FGF12: variants seen among roughly 807,000 people sequenced by gnomAD.
The protein encoded by FGF12 is fibroblast growth factor 12.
Under a neutral mutation model 23.6 loss-of-function variants are expected in FGF12, and 14 were observed. The ratio of observed to expected loss-of-function variants is 0.59; its 90% CI spans 0.39 to 0.93. The LOEUF is 0.93. FGF12 is among the 40% of genes least tolerant of loss of function. The pLI is 0.00. For missense variants in FGF12, 175 were observed against 217.8 expected (o/e 0.80, Z 1.24); for synonymous variants, 62 against 77.3 (o/e 0.80, Z 1.04).
chr3:192,519,006 T>C (rs1724749827), intron 2 of FGF12, among the ~76,000 whole-genome samples: 1 of 152,166 alleles, frequency 6.6e-6, no homozygotes, highest in Non-Finnish European at 1.5e-5. Context: ...TGTTATAAAA[T>C]AAGACTGAGA....
intron 2 of FGF12, among the ~76,000 whole-genome samples, chr3:192,396,954 A>T (rs915234370): frequency 2.0e-5 from 3 of 152,194 alleles, no homozygotes; most frequent in Non-Finnish European, 4.4e-5. Flanking sequence ...ATCAAAACTT[A>T]CCCTGAAGGG....
chr3:192,448,655 T>C (rs1206061342), intron 2 of FGF12, among the ~76,000 whole-genome samples: 1 of 152,216 alleles, frequency 6.6e-6, no homozygotes, highest in Non-Finnish European at 1.5e-5. Flanking sequence ...GATTCCTGGA[T>C]TATTTCCTTC....
At chr3:192,232,766 A>G (rs1402886976) in intron 4 of FGF12, among the ~76,000 whole-genome samples, 1 of 151,946 alleles carries the variant, frequency 6.6e-6, no homozygotes, top group Non-Finnish European at 1.5e-5. Flanking sequence ...TATGTACTCA[A>G]TGTTTAGCTC....
chr3:192,642,970 T>C (rs1298662999), intron 2 of FGF12, among the ~76,000 whole-genome samples: 1 of 152,236 alleles, frequency 6.6e-6, no homozygotes, highest in Non-Finnish European at 1.5e-5. Context: ...TGACTTACAG[T>C]AAGATCACCT....
intron 2 of FGF12, among the ~76,000 whole-genome samples, chr3:192,449,735 A>G (rs1420918447): frequency 6.6e-6 from 1 of 152,172 alleles, no homozygotes; most frequent in African/African-American, 2.4e-5. Flanking sequence ...TCTGTACCCC[A>G]GAAGGCAGGT....
At chr3:192,306,470 A>T (rs1354689731) in intron 4 of FGF12, among the ~76,000 whole-genome samples, 1 of 152,146 alleles carries the variant, frequency 6.6e-6, no homozygotes, top group African/African-American at 2.4e-5. Flanking sequence ...TTGGTCAAAG[A>T]AGCGGGGCAT....
chr3:192,308,327 T>A (rs1715758200), intron 4 of FGF12, among the ~76,000 whole-genome samples: 6 of 152,130 alleles, frequency 3.9e-5, no homozygotes. Context: ...GGAGGGCAAA[T>A]GACATTGGCA....
At chr3:192,276,486 T>C (rs1713795905) in intron 4 of FGF12, among the ~76,000 whole-genome samples, 2 of 152,198 alleles carry the variant, frequency 1.3e-5, no homozygotes. Flanking sequence ...AACTCACAGA[T>C]AACCAAGGTG....
At chr3:192,601,157 G>A (rs1714099531) in intron 2 of FGF12, among the ~76,000 whole-genome samples, 1 of 152,138 alleles carries the variant, frequency 6.6e-6, no homozygotes, top group African/African-American at 2.4e-5. Context: ...CAACATGGAT[G>A]GAAGTGGAGG....
intron 2 of FGF12, among the ~76,000 whole-genome samples, chr3:192,392,135 G>A (rs1720318130): frequency 6.6e-6 from 1 of 152,078 alleles, no homozygotes; most frequent in Admixed American, 6.5e-5. Flanking sequence ...TTTTTCCTAT[G>A]TTTCTATTTT....
intron 2 of FGF12, among the ~76,000 whole-genome samples, chr3:192,468,437 T>C (rs1723070198): frequency 6.6e-6 from 1 of 152,216 alleles, no homozygotes; most frequent in South Asian, 2.1e-4. Flanking sequence ...ACTTTCTCAA[T>C]CTTGTCTTTC....
intron 2 of FGF12, among the ~76,000 whole-genome samples, chr3:192,583,313 C>A (rs1294038788): frequency 6.6e-6 from 1 of 152,108 alleles, no homozygotes; most frequent in Non-Finnish European, 1.5e-5. Context: ...CGATGCGAAT[C>A]GTTTAATGAT....
intron 2 of FGF12, among the ~76,000 whole-genome samples, chr3:192,711,230 G>C (rs138284839): frequency 6.9e-6 from 1 of 145,360 alleles, no homozygotes; most frequent in East Asian, 1.9e-4. Context: ...AATCCCGTCC[G>C]GGAGGGAGGT....
intron 2 of FGF12, among the ~76,000 whole-genome samples, chr3:192,655,958 A>G (rs2108679870): frequency 6.6e-6 from 1 of 151,826 alleles, no homozygotes. Flanking sequence ...GAGGGGAAGA[A>G]TAACTAGCAC....
chr3:192,485,473 C>T (rs1204467483), intron 2 of FGF12, among the ~76,000 whole-genome samples: 1 of 152,092 alleles, frequency 6.6e-6, no homozygotes, highest in African/African-American at 2.4e-5. Context: ...TCTAGGAATA[C>T]CATTGTTAGA....
intron 2 of FGF12, among the ~76,000 whole-genome samples, chr3:192,456,760 C>T (rs760259299): frequency 6.6e-6 from 1 of 152,018 alleles, no homozygotes; most frequent in Non-Finnish European, 1.5e-5. Flanking sequence ...TAGTAAATAT[C>T]TTGGAGACTC....
At chr3:192,299,797 C>T (rs564488771) in intron 4 of FGF12, among the ~76,000 whole-genome samples, 4 of 152,278 alleles carry the variant, frequency 2.6e-5, no homozygotes, top group African/African-American at 7.2e-5. Flanking sequence ...AAGTCGTAGA[C>T]AGTGCTCTCT....
chr3:192,235,999 C>G (rs1425837770), intron 4 of FGF12, among the ~76,000 whole-genome samples: 1 of 152,130 alleles, frequency 6.6e-6, no homozygotes, highest in Non-Finnish European at 1.5e-5. Context: ...GCATTTCATG[C>G]TATAAACTTT....
chr3:192,486,681 T>G (rs1723644064), intron 2 of FGF12, among the ~76,000 whole-genome samples: 1 of 152,098 alleles, frequency 6.6e-6, no homozygotes, highest in African/African-American at 2.4e-5. Context: ...TAAAGTGTTC[T>G]TCTTTCATTC....
Sources: allele counts gnomAD v4.1 joint callset (sites outside exome capture counted in the v4.1 genomes callset), GRCh38; gene constraint gnomAD v4.1.1; transcripts MANE v1.5; gene names NCBI Gene and HGNC (gene_info 2026-07-23, HGNC 2026-07-21).